IMMP2L: variants seen among roughly 807,000 people sequenced by gnomAD.
The protein encoded by IMMP2L is mitochondrial inner membrane protease subunit 2.
Under a neutral mutation model 19.3 loss-of-function variants are expected in IMMP2L, and 18 were observed. The observed-to-expected ratio is 0.93, with a 90% CI of 0.64 to 1.38. The LOEUF (loss-of-function observed/expected upper bound fraction) is 1.38, where lower values mean the gene tolerates loss of function less well. Among genes scored for constraint, IMMP2L ranks in the 40% most tolerant of loss-of-function variants. The probability of loss-of-function intolerance (pLI) is 0.00; values close to 1 mark genes in which losing one functional copy is unlikely to be tolerated. For synonymous variants in IMMP2L, 76 were observed against 73.0 expected (o/e 1.04, Z -0.21); for missense variants, 233 against 218.2 (o/e 1.07, Z -0.43).
At position 110,991,560 on chromosome 7, in the gene IMMP2L, A is replaced by T. The variant is rs1221178517; in HGVS notation, c.240-27995T>A. ...TTCTAAATGGGAAACCTAGTTCCAT[A>T]GGGCCATGCTGGCCCTCCTTCTGAA... On this transcript the variant is annotated intron_variant, in intron 3 of 5. Coordinates refer to ENST00000405709, the MANE Select transcript of IMMP2L (RefSeq NM_032549.4). 2.6e-5 allele frequency among the ~76,000 whole-genome samples: 4 copies of T among 152,112 alleles called. No homozygotes were observed. The East Asian group carries it at 7.7e-4, about 29-fold the overall frequency.
rs1800217657 is a variant in IMMP2L at position 110,788,183 on chromosome 7, CAA to C, written c.408+98408_408+98409del. Among the ~76,000 whole-genome samples, 10 of 152,090 alleles carry C rather than the reference CAA, an allele frequency of 6.6e-5. No individual in the cohort carries two copies. In the South Asian group the frequency reaches 2.1e-3, roughly 32 times the overall value. On this transcript the variant is annotated intron_variant, in intron 5 of 5. Coordinates refer to ENST00000405709, the MANE Select transcript of IMMP2L (RefSeq NM_032549.4). ...ACTTTCATCTACTTCCCTTTACAGC[CAA>C]ACTCTTCGAAATAGATGTTCACACT...
chr7:110,930,496 T>C (rs1180542808), intron 4 of IMMP2L, among the ~76,000 whole-genome samples: 1 of 152,154 alleles, frequency 6.6e-6, no homozygotes, highest in African/African-American at 2.4e-5. Flanking sequence ...CACACATTTA[T>C]TATAATAGCT....
At chr7:111,541,198 T>C (rs927128358) in intron 1 of IMMP2L, among the ~76,000 whole-genome samples, 2 of 152,144 alleles carry the variant, frequency 1.3e-5, no homozygotes, top group Non-Finnish European at 2.9e-5. Flanking sequence ...AAATTACTTA[T>C]CTTCCATGAT....
At chr7:111,017,979 A>G (rs1486679966) in intron 3 of IMMP2L, among the ~76,000 whole-genome samples, 3 of 152,258 alleles carry the variant, frequency 2.0e-5, no homozygotes, top group Non-Finnish European at 2.9e-5. Flanking sequence ...ACTGTTAGTC[A>G]TCTTGGAAAA....
intron 3 of IMMP2L, among the ~76,000 whole-genome samples, chr7:111,153,293 A>G (rs999520532): frequency 2.0e-5 from 3 of 152,154 alleles, no homozygotes; most frequent in Admixed American, 2.0e-4. Flanking sequence ...CCTTATACCT[A>G]CTAAAGTTAA....
intron 3 of IMMP2L, among the ~76,000 whole-genome samples, chr7:111,432,900 A>C (rs1302461861): frequency 1.3e-5 from 2 of 151,400 alleles, no homozygotes; most frequent in Non-Finnish European, 2.9e-5. Context: ...TCTATACACC[A>C]GTAACGACCT....
chr7:110,705,913 C>T (rs1420996667), intron 5 of IMMP2L, among the ~76,000 whole-genome samples: 6 of 152,058 alleles, frequency 3.9e-5, no homozygotes, highest in East Asian at 1.9e-4. Flanking sequence ...TTTATGGCTG[C>T]GTAGTATTCC....
intron 3 of IMMP2L, among the ~76,000 whole-genome samples, chr7:111,094,697 C>A (rs959488775): frequency 2.0e-5 from 3 of 152,104 alleles, no homozygotes; most frequent in Non-Finnish European, 4.4e-5. Context: ...TCAGGGAATT[C>A]CTCTCCTCTC....
intron 3 of IMMP2L, among the ~76,000 whole-genome samples, chr7:111,378,224 G>C (rs1830868834): frequency 6.6e-6 from 1 of 151,878 alleles, no homozygotes. Context: ...TATACCAGTT[G>C]AAGCCATGAA....
At chr7:111,053,174 A>C (rs2129573200) in intron 3 of IMMP2L, among the ~76,000 whole-genome samples, 1 of 152,344 alleles carries the variant, frequency 6.6e-6, no homozygotes, top group East Asian at 1.9e-4. Context: ...GAAGAGGGCC[A>C]AGCAAGCAGC....
At chr7:111,264,958 C>G (rs1817681797) in intron 3 of IMMP2L, among the ~76,000 whole-genome samples, 1 of 152,068 alleles carries the variant, frequency 6.6e-6, no homozygotes, top group South Asian at 2.1e-4. Flanking sequence ...TCTTTACCTG[C>G]ATCTTTGTTA....
intron 5 of IMMP2L, among the ~76,000 whole-genome samples, chr7:110,865,177 GCA>G (rs145596168): frequency 2.0e-5 from 3 of 150,948 alleles, no homozygotes; most frequent in Non-Finnish European, 4.4e-5. Context: ...GCATACATTT[GCA>G]CACACACACA....
intron 1 of IMMP2L, among the ~76,000 whole-genome samples, chr7:111,546,878 G>C (rs937571264): frequency 1.3e-5 from 2 of 152,098 alleles, no homozygotes; most frequent in East Asian, 3.8e-4. Flanking sequence ...AAAATGAGAA[G>C]ATATGATCCA....
At chr7:110,869,531 C>T (rs1307826785) in intron 5 of IMMP2L, among the ~76,000 whole-genome samples, 1 of 152,102 alleles carries the variant, frequency 6.6e-6, no homozygotes, top group African/African-American at 2.4e-5. Context: ...TATGTGAACA[C>T]AGACAAAACT....
chr7:111,078,040 CTTTGT>C (rs1458895080), intron 3 of IMMP2L, among the ~76,000 whole-genome samples: 8 of 152,232 alleles, frequency 5.3e-5, no homozygotes, highest in Non-Finnish European at 1.2e-4. Context: ...TATAATATTA[CTTTGT>C]TTTAATTTTT....
intron 5 of IMMP2L, among the ~76,000 whole-genome samples, chr7:110,851,110 A>G (rs888079709): frequency 3.9e-5 from 6 of 152,156 alleles, no homozygotes; most frequent in Non-Finnish European, 7.4e-5. Flanking sequence ...ACTACTTGGT[A>G]GAGTATGAAT....
At chr7:110,715,664 T>G (rs1171647010) in intron 5 of IMMP2L, among the ~76,000 whole-genome samples, 1 of 152,160 alleles carries the variant, frequency 6.6e-6, no homozygotes, top group East Asian at 1.9e-4. Flanking sequence ...TTGAATTTAT[T>G]AAGACTTTTT....
At chr7:111,241,461 C>A (rs1815026108) in intron 3 of IMMP2L, among the ~76,000 whole-genome samples, 1 of 151,832 alleles carries the variant, frequency 6.6e-6, no homozygotes, top group South Asian at 2.1e-4. Context: ...CAAATTCTGG[C>A]TCTAGAGCTT....
intron 3 of IMMP2L, among the ~76,000 whole-genome samples, chr7:111,284,068 G>C (rs1183814472): frequency 6.7e-6 from 1 of 150,248 alleles, no homozygotes; most frequent in African/African-American, 2.5e-5. Context: ...TTTCTCCTCA[G>C]TATATATAAC....
Sources: allele counts gnomAD v4.1 joint callset (sites outside exome capture counted in the v4.1 genomes callset), GRCh38; gene constraint gnomAD v4.1.1; transcripts MANE v1.5; gene names NCBI Gene and HGNC (gene_info 2026-07-23, HGNC 2026-07-21).